NLGN1: variants seen among roughly 807,000 people sequenced by gnomAD.
The protein encoded by NLGN1 is neuroligin 1.
NLGN1 carries 12 observed loss-of-function variants against 65.5 expected under a neutral mutation model. That is an observed-to-expected ratio of 0.18 (90% confidence interval 0.12 to 0.30). The LOEUF is 0.30. Among genes scored for constraint, NLGN1 ranks in the 10% least tolerant of loss-of-function variants. The pLI, the probability that NLGN1 is intolerant of heterozygous loss-of-function variation, is 1.00. For synonymous variants in NLGN1, 350 were observed against 359.5 expected (o/e 0.97, Z 0.30); for missense variants, 750 against 1,007.1 (o/e 0.74, Z 3.46).
intron 2 of NLGN1, among the ~76,000 whole-genome samples, chr3:173,572,815 C>T (rs1744861566): frequency 6.6e-6 from 1 of 152,136 alleles, no homozygotes; most frequent in South Asian, 2.1e-4. Flanking sequence ...TCACCAGAGC[C>T]CTCCTCTTGT....
chr3:173,535,647 G>T (rs954901324), intron 2 of NLGN1, among the ~76,000 whole-genome samples: 2 of 152,142 alleles, frequency 1.3e-5, no homozygotes, highest in African/African-American at 2.4e-5. Context: ...TATAAACAGT[G>T]ACCATAAGAT....
At chr3:174,224,232 TTA>T (rs1739185537) in intron 4 of NLGN1, among the ~76,000 whole-genome samples, 1 of 152,184 alleles carries the variant, frequency 6.6e-6, no homozygotes, top group Non-Finnish European at 1.5e-5. Flanking sequence ...GGAAACATAA[TTA>T]TAAACTAATT....
chr3:173,665,869 GT>G (rs1373547468), intron 3 of NLGN1, among the ~76,000 whole-genome samples: 1 of 152,038 alleles, frequency 6.6e-6, no homozygotes, highest in South Asian at 2.1e-4. Context: ...AATTATTCAT[GT>G]TTTTTTGGAT....
At chr3:174,022,294 T>C (rs1727899686) in intron 4 of NLGN1, among the ~76,000 whole-genome samples, 1 of 152,158 alleles carries the variant, frequency 6.6e-6, no homozygotes, top group South Asian at 2.1e-4. Flanking sequence ...AGTTGAAATT[T>C]AGCATATTTG....
intron 4 of NLGN1, among the ~76,000 whole-genome samples, chr3:174,206,248 A>G (rs1366951162): frequency 6.6e-6 from 1 of 152,118 alleles, no homozygotes; most frequent in Non-Finnish European, 1.5e-5. Context: ...CTGAGGAGGC[A>G]TTGTGTTCCT....
chr3:173,442,686 A>G (rs1719426895), intron 2 of NLGN1, among the ~76,000 whole-genome samples: 1 of 152,184 alleles, frequency 6.6e-6, no homozygotes, highest in Non-Finnish European at 1.5e-5. Flanking sequence ...TTAACTTTTG[A>G]AAGTTATTTG....
intron 4 of NLGN1, among the ~76,000 whole-genome samples, chr3:173,941,095 A>G (rs906304317): frequency 6.6e-6 from 1 of 152,176 alleles, no homozygotes; most frequent in Non-Finnish European, 1.5e-5. Flanking sequence ...CTAATTGTGT[A>G]AATGTGTAAA....
intron 2 of NLGN1, among the ~76,000 whole-genome samples, chr3:173,443,336 CTATG>C (rs1240834107): frequency 1.1e-5 from 1 of 88,048 alleles, no homozygotes; most frequent in Non-Finnish European, 2.7e-5. Context: ...TATATATACA[CTATG>C]ACTATATATA....
chr3:173,411,949 AAG>A (rs1292049090), intron 1 of NLGN1, among the ~76,000 whole-genome samples: 3 of 152,204 alleles, frequency 2.0e-5, no homozygotes, highest in Non-Finnish European at 4.4e-5. Context: ...TATTTTCTGA[AAG>A]AGAATGGCAG....
intron 4 of NLGN1, among the ~76,000 whole-genome samples, chr3:174,026,354 G>A (rs1163413679): frequency 6.6e-6 from 1 of 152,046 alleles, no homozygotes; most frequent in African/African-American, 2.4e-5. Flanking sequence ...TCAAATTCCT[G>A]GGTTCAAGCA....
At chr3:173,530,040 C>T (rs143913086) in intron 2 of NLGN1, among the ~76,000 whole-genome samples, 115 of 151,950 alleles carry the variant, frequency 7.6e-4, no homozygotes, top group Middle Eastern at 3.4e-3. Flanking sequence ...TTACTGCAAC[C>T]CCCGCCTCCT....
chr3:173,586,408 A>C (rs1454570039), intron 2 of NLGN1, among the ~76,000 whole-genome samples: 1 of 152,182 alleles, frequency 6.6e-6, no homozygotes, highest in Non-Finnish European at 1.5e-5. Context: ...ACTTTTTTTC[A>C]GGAATTCCAG....
chr3:174,119,800 A>T (rs373635877), intron 4 of NLGN1, among the ~76,000 whole-genome samples: 19 of 152,306 alleles, frequency 1.2e-4, no homozygotes, highest in African/African-American at 4.3e-4. Context: ...TATGTGTTCA[A>T]CCCAAAGAAA....
chr3:174,263,900 A>G (rs1019532100), intron 4 of NLGN1, among the ~76,000 whole-genome samples: 17 of 150,596 alleles, frequency 1.1e-4, no homozygotes, highest in Middle Eastern at 3.5e-3. Flanking sequence ...ATCTCTCAGC[A>G]TTTGCTTGTC....
At chr3:174,128,502 C>T (rs373745780) in intron 4 of NLGN1, among the ~76,000 whole-genome samples, 32 of 152,298 alleles carry the variant, frequency 2.1e-4, no homozygotes, top group African/African-American at 7.0e-4. Flanking sequence ...GTAGCTTTCG[C>T]CTCCATTTTA....
chr3:173,927,939 G>T (rs1158318037), intron 4 of NLGN1, among the ~76,000 whole-genome samples: 1 of 152,118 alleles, frequency 6.6e-6, no homozygotes, highest in African/African-American at 2.4e-5. Flanking sequence ...ACCTGGTTGT[G>T]TCCGGCACAG....
At chr3:174,025,883 C>T (rs1471285940) in intron 4 of NLGN1, among the ~76,000 whole-genome samples, 4 of 152,044 alleles carry the variant, frequency 2.6e-5, no homozygotes, top group Admixed American at 6.6e-5. Context: ...CACCAAGAGA[C>T]AGAATTTGTA....
At chr3:173,855,033 C>A (rs904924556) in intron 4 of NLGN1, among the ~76,000 whole-genome samples, 2 of 151,968 alleles carry the variant, frequency 1.3e-5, no homozygotes, top group East Asian at 1.9e-4. Flanking sequence ...ATGTACCATG[C>A]CACATTTTTA....
chr3:174,205,912 G>A (rs1735318246), intron 4 of NLGN1, among the ~76,000 whole-genome samples: 1 of 152,130 alleles, frequency 6.6e-6, no homozygotes, highest in African/African-American at 2.4e-5. Context: ...CATGTAAAGT[G>A]CTTCAATTCA....
Sources: gnomAD v4.1 joint callset for allele counts (sites outside exome capture counted in the v4.1 genomes callset) on GRCh38, gnomAD v4.1.1 for gene constraint, MANE v1.5 for transcripts, NCBI Gene and HGNC (gene_info 2026-07-23, HGNC 2026-07-21) for gene names.